The following RBM12 variants were observed in gnomAD, a reference collection of about 807,000 sequenced individuals.
RBM12 encodes the protein RNA binding motif protein 12, also known as RNA-binding protein 12.
A neutral mutation model predicts 37.2 loss-of-function variants in RBM12; 24 were observed. The ratio of observed to expected loss-of-function variants is 0.65; its 90% CI spans 0.47 to 0.91. RBM12 has a LOEUF of 0.91. Ranked by LOEUF, RBM12 falls within the 40% of genes least tolerant of loss-of-function variation. The pLI, the probability that RBM12 is intolerant of heterozygous loss-of-function variation, is 0.00. For synonymous variants in RBM12, 420 were observed against 425.2 expected, an observed-to-expected ratio of 0.99 and a Z score of 0.15; for missense variants, 1,061 against 1,183.2, an observed-to-expected ratio of 0.90 and a Z score of 1.52.
rs1489083469 is a variant in RBM12, at chr20:35,650,045, C to A, written c.*2479G>T. On this transcript the variant is annotated 3_prime_UTR_variant, in exon 3 of 3. Transcript: ENST00000374114. ...TGAGTAGTTTCACAGAATACATTTT[C>A]AAGAATTTTTTAAAAACTGAAACTC... 1 of 152,536 alleles carries A rather than the reference C, an allele frequency of 6.6e-6. No individual in the cohort carries two copies. The allele number at this position is 152,536 out of a possible 1,614,324, so 9.4% of individuals were successfully genotyped here. A position where few individuals can be genotyped will look rare whatever the true frequency, so the allele number is the denominator to read the frequency against.
Position 35,652,289 on chromosome 20 carries a change from T to C in RBM12, c.*235A>G. The C allele has an allele frequency of 2.2e-6, 1 of 454,360 alleles. No individual in the cohort carries two copies. Among genetic ancestry groups the C allele is most frequent in the Admixed American group, 3.8e-5 (1 of 26,038 alleles). 28.1% of individuals were successfully genotyped at this position (454,360 alleles called of 1,614,324 possible). On this transcript the variant is annotated 3_prime_UTR_variant, in exon 3 of 3. Transcript: ENST00000374114. ...GTTTTACAAATGGTTTCTCTAATGG[T>C]ATGCCAAAATCATTTATGTGTTCTC...
At position 35,653,639 on chromosome 20, in the gene RBM12, G is replaced by T; in HGVS notation, c.1684C>A (p.Gln562Lys). The change falls in exon 3 of 3, where the codon CAG becomes AAG. Residue 562 changes from glutamine (Q) to lysine (K), a missense_variant. This residue lies in a region of RBM12 where 517 missense variants were observed against 534.0 expected (regional missense o/e 0.97). Transcript: ENST00000374114. The stretch of plus-strand genomic sequence containing the variant: ...TCCACTGGGATTCCTTCTAGGAACT[G>T]AAGAACATCCATCTTTGTAATGCTG... ...PFSITKMDVL[Q>K]FLEGIPVDEN... 6.2e-7 allele frequency: 1 copy of T among 1,614,174 alleles called. No homozygotes were observed. Among genetic ancestry groups the T allele is most frequent in the Non-Finnish European group, 8.5e-7 (1 of 1,180,054 alleles).
Position 35,658,836 on chromosome 20 carries a change from CACAA to C in RBM12, c.-23+90_-23+93del, listed in dbSNP as rs923124916. 2.3e-5 allele frequency: 15 copies of C among 644,878 alleles called. No individual in the cohort carries two copies. The Admixed American group carries it at 2.7e-4, about 11-fold the overall frequency. 39.9% of individuals were successfully genotyped at this position (644,878 alleles called of 1,614,324 possible). The stretch of plus-strand genomic sequence containing the variant: ...ACACACACACACACACACACACACA[CACAA>C]TATAGTTGCTACATATATTTTCATA... On this transcript the variant is annotated intron_variant, in intron 2 of 2. Transcript: ENST00000374114.
chr20:35,656,708 G>A (rs2033921220), intron 2 of RBM12, among the ~76,000 whole-genome samples: 1 of 151,496 alleles, frequency 6.6e-6, no homozygotes, highest in Admixed American at 6.6e-5. Flanking sequence ...CTAAGTGTTT[G>A]TATTTAGGAG....
intron 1 of RBM12, among the ~76,000 whole-genome samples, chr20:35,663,068 C>G (rs1050194490): frequency 6.6e-6 from 1 of 152,126 alleles, no homozygotes; most frequent in Non-Finnish European, 1.5e-5. Flanking sequence ...TGTATAAACA[C>G]GCCAAACATT....
Position 35,651,257 on chromosome 20 carries a change from C to T in RBM12, c.*1267G>A, listed in dbSNP as rs1208573230. 2.0e-5 allele frequency: 3 copies of T among 152,198 alleles called. No individual in the cohort carries two copies. The highest frequency in any genetic ancestry group is 7.2e-5 in the African/African-American group (3 of 41,442). 9.4% of individuals were successfully genotyped at this position (152,198 alleles called of 1,614,324 possible). On this transcript the variant is annotated 3_prime_UTR_variant, in exon 3 of 3. Coordinates refer to ENST00000374114, the MANE Select transcript of RBM12 (RefSeq NM_006047.6). ...AAGGCAAGTGTTTTCATGACAAGGA[C>T]ACTTACCAACCAGAACTCATGTGGT...
chr20:35,655,389 C>G (rs764090502), intron 2 of RBM12, 45 bp from the exon 3 acceptor site: 39 of 1,470,614 alleles, frequency 2.7e-5, no homozygotes, highest in Non-Finnish European at 5.5e-6. Flanking sequence ...TCCTGTTTAT[C>G]ACACCAAGTT....
Position 35,649,654 on chromosome 20 carries a change from CTAAA to C in RBM12, c.*2866_*2869del, listed in dbSNP as rs1266327262. ...CACACCTCCAAATTATGCTTGTGAA[CTAAA>C]TGTTTCACTAAAGTTCAGAAAAGTT... On this transcript the variant is annotated 3_prime_UTR_variant, in exon 3 of 3. Coordinates refer to ENST00000374114, the MANE Select transcript of RBM12 (RefSeq NM_006047.6). 1.3e-5 allele frequency: 2 copies of C among 152,436 alleles called. No individual in the cohort carries two copies. Among genetic ancestry groups the C allele is most frequent in the African/African-American group, 4.8e-5 (2 of 41,384 alleles). The allele number at this position is 152,436 out of a possible 1,614,324, so 9.4% of individuals were successfully genotyped here.
At chr20:35,655,407 A>C in intron 2 of RBM12, 63 bp from the exon 3 acceptor site, 1 of 1,369,978 alleles carries the variant, frequency 7.3e-7, no homozygotes, top group Non-Finnish European at 9.8e-7. Flanking sequence ...GTTTTTAGCT[A>C]CAAGAATGAC....
chr20:35,655,448 C>T (rs1413566726), intron 2 of RBM12, 104 bp from the exon 3 acceptor site: 2 of 935,936 alleles, frequency 2.1e-6, no homozygotes, highest in Non-Finnish European at 3.1e-6. Context: ...CAAATATTCC[C>T]TCAAGCTATC....
chr20:35,653,515 C>T lies in RBM12; in HGVS notation c.1808G>A (p.Arg603His), dbSNP rs146546616. Residue 603 changes from arginine (R) to histidine (H), a missense_variant, in exon 3 of 3, where the codon CGC becomes CAC. Arg to His is a conservative substitution (Grantham distance 29, BLOSUM62 0). This residue lies in a region of RBM12 where 517 missense variants were observed against 534.0 expected (regional missense o/e 0.97). Transcript: ENST00000374114. ...KNEDDARKSE[R>H]LHRKKLNGRE... ...CCCATTAAGTTTTTTACGGTGTAAG[C>T]GTTCAGACTTACGTGCATCATCTTC... 16 of 1,614,196 alleles carry T rather than the reference C, an allele frequency of 9.9e-6. No individual in the cohort carries two copies. In the African/African-American group the frequency reaches 1.3e-4, roughly 13 times the overall value.
rs554769416 is a variant in RBM12, at chr20:35,662,565, C to T, written c.-108+2195G>A. 1.2e-3 allele frequency among the ~76,000 whole-genome samples: 180 copies of T among 152,316 alleles called. 3 individuals carry two copies. In the Middle Eastern group the frequency reaches 0.034, roughly 29 times the overall value. On this transcript the variant is annotated intron_variant, in intron 1 of 2. Transcript: ENST00000374114. ...TCAGTCTCTGCATTTTAGGGAGGGACATCTAAAAGCATCTTTTGTGCAACC... is the reference window on the plus strand; with the variant it reads ...TCAGTCTCTGCATTTTAGGGAGGGATATCTAAAAGCATCTTTTGTGCAACC...
chr20:35,664,176 C>A (rs1014033019), intron 1 of RBM12, among the ~76,000 whole-genome samples: 4 of 152,112 alleles, frequency 2.6e-5, no homozygotes, highest in African/African-American at 7.2e-5. Context: ...TCACTGCAAA[C>A]CCCTCCACCT....
At chr20:35,662,812 AAAG>A (rs2034307358) in intron 1 of RBM12, among the ~76,000 whole-genome samples, 2 of 152,322 alleles carry the variant, frequency 1.3e-5, no homozygotes, top group Admixed American at 6.5e-5. Flanking sequence ...TTGACGTGTC[AAAG>A]AAGGTGAAAG....
intron 2 of RBM12, among the ~76,000 whole-genome samples, chr20:35,658,399 T>C (rs1330916543): frequency 1.3e-5 from 2 of 152,234 alleles, no homozygotes; most frequent in South Asian, 2.1e-4. Context: ...ATAAATGAAA[T>C]TGACCCCCAA....
At chr20:35,658,185 A>T (rs1286015850) in intron 2 of RBM12, among the ~76,000 whole-genome samples, 1 of 152,228 alleles carries the variant, frequency 6.6e-6, no homozygotes, top group Non-Finnish European at 1.5e-5. Flanking sequence ...CTTAAACAAG[A>T]GGGTTAGATT....
At position 35,654,048 on chromosome 20, in the gene RBM12, T is replaced by C; in HGVS notation, c.1275A>G (p.Pro425=). The C allele has an allele frequency of 1.2e-6, 2 of 1,614,220 alleles. No individual in the cohort carries two copies. The highest frequency in any genetic ancestry group is 2.2e-5 in the South Asian group (2 of 91,090). The change falls in exon 3 of 3, where the codon CCA becomes CCG. Residue 425 remains proline (P), a synonymous_variant. Coordinates refer to ENST00000374114, the MANE Select transcript of RBM12 (RefSeq NM_006047.6). ...AGTAAACACAAAAACCAGCCTCATGTGGTGATCTTGACCTTGATCTTTTCT... is the reference window on the plus strand; with the variant it reads ...AGTAAACACAAAAACCAGCCTCATGCGGTGATCTTGACCTTGATCTTTTCT... The part of the protein sequence containing the change: ...SGQKRSRSRS[P]HEAGFCVYLK...
chr20:35,653,394 C>A lies in RBM12; in HGVS notation c.1929G>T (p.Val643=). 24 of 1,614,154 alleles carry A rather than the reference C, an allele frequency of 1.5e-5. No homozygotes were observed. The highest frequency in any genetic ancestry group is 2.0e-5 in the Non-Finnish European group (24 of 1,180,002). The change falls in exon 3 of 3, where the codon GTG becomes GTT. Residue 643 remains valine, a synonymous_variant. Transcript: ENST00000374114. The part of the protein sequence containing the change: ...AQGKKGLKMP[V]PGNPAVPGMP... Reference sequence around the variant, plus strand: ...TTCCTGGAACTGCAGGATTACCTGGCACAGGCATCTTTAATCCCTTTTTTC... The same window carrying A: ...TTCCTGGAACTGCAGGATTACCTGGAACAGGCATCTTTAATCCCTTTTTTC...
chr20:35,657,749 A>G (rs1319598882), intron 2 of RBM12, among the ~76,000 whole-genome samples: 1 of 152,218 alleles, frequency 6.6e-6, no homozygotes, highest in Non-Finnish European at 1.5e-5. Context: ...AATTGTTTCT[A>G]GCTTCCAAAA....
Sources: gnomAD v4.1 joint callset for allele counts (sites outside exome capture counted in the v4.1 genomes callset) on GRCh38, gnomAD v4.1.1 for gene constraint, gnomAD v4.1.1 regional missense constraint, MANE v1.5 for transcripts, NCBI Gene and HGNC (gene_info 2026-07-23, HGNC 2026-07-21) for gene names.